The following LYPD6B variants were observed in gnomAD, a reference collection of about 807,000 sequenced individuals.
The protein encoded by LYPD6B is LY6/PLAUR domain containing 6B.
LYPD6B carries 17 observed loss-of-function variants against 22.8 expected under a neutral mutation model. The ratio of observed to expected loss-of-function variants is 0.75; its 90% confidence interval spans 0.51 to 1.12. The LOEUF (loss-of-function observed/expected upper bound fraction) is 1.12, where lower values mean the gene tolerates loss of function less well. LYPD6B is among the 50% of genes most tolerant of loss of function. The pLI, the probability that LYPD6B is intolerant of heterozygous loss-of-function variation, is 0.00. For missense variants in LYPD6B, 221 were observed against 258.3 expected (o/e 0.86, Z 0.99); for synonymous variants, 106 against 91.6 (o/e 1.16, Z -0.90).
At chr2:149,114,031 T>C (rs1186375511) in intron 1 of LYPD6B, among the ~76,000 whole-genome samples, 1 of 152,144 alleles carries the variant, frequency 6.6e-6, no homozygotes, top group Non-Finnish European at 1.5e-5. Flanking sequence ...CCTTCCTCTT[T>C]CCCTCTGAAA....
At chr2:149,116,636 A>G (rs1687019170) in intron 1 of LYPD6B, among the ~76,000 whole-genome samples, 1 of 152,194 alleles carries the variant, frequency 6.6e-6, no homozygotes, top group African/African-American at 2.4e-5. Context: ...GAAGGAAGGA[A>G]CTGTATTAGC....
chr2:149,074,515 C>T (rs1446281034), intron 1 of LYPD6B, among the ~76,000 whole-genome samples: 2 of 152,194 alleles, frequency 1.3e-5, no homozygotes, highest in Non-Finnish European at 2.9e-5. Flanking sequence ...ACGAACCTGA[C>T]TTCTAAGGGC....
At chr2:149,055,646 G>A (rs1382929467) in intron 1 of LYPD6B, among the ~76,000 whole-genome samples, 7 of 152,154 alleles carry the variant, frequency 4.6e-5, no homozygotes, top group African/African-American at 1.7e-4. Context: ...GCAGTGTAAT[G>A]ACATTGTCAG....
intron 2 of LYPD6B, among the ~76,000 whole-genome samples, chr2:149,145,591 G>T (rs1433140707): frequency 6.6e-6 from 1 of 152,164 alleles, no homozygotes; most frequent in African/African-American, 2.4e-5. Flanking sequence ...GCCACATGTT[G>T]AAACAGCCCA....
At chr2:149,093,152 C>T (rs963800316) in intron 1 of LYPD6B, among the ~76,000 whole-genome samples, 2 of 152,176 alleles carry the variant, frequency 1.3e-5, no homozygotes, top group Non-Finnish European at 2.9e-5. Context: ...CAGAGGAAGA[C>T]AGTTGCCAGG....
chr2:149,082,360 G>A (rs10497053), intron 1 of LYPD6B, among the ~76,000 whole-genome samples: 6,077 of 152,174 alleles, frequency 0.04, 386 homozygotes, highest in African/African-American at 0.13. Context: ...CAAAACCTAC[G>A]TCAGGAAGCA....
intron 2 of LYPD6B, among the ~76,000 whole-genome samples, chr2:149,157,339 A>C (rs1049480081): frequency 6.6e-6 from 1 of 152,190 alleles, no homozygotes; most frequent in Admixed American, 6.5e-5. Context: ...ACACAGGAGG[A>C]ACTCAAGACT....
chr2:149,140,836 T>C (rs1688649897), intron 2 of LYPD6B, among the ~76,000 whole-genome samples: 1 of 152,210 alleles, frequency 6.6e-6, no homozygotes, highest in African/African-American at 2.4e-5. Context: ...ATTTGTCCCA[T>C]CTTTGATCGT....
chr2:149,173,551 G>A (rs1691019005), intron 3 of LYPD6B, among the ~76,000 whole-genome samples: 1 of 152,002 alleles, frequency 6.6e-6, no homozygotes, highest in Non-Finnish European at 1.5e-5. Context: ...TTAGGGTTGA[G>A]ACTCATCTAT....
intron 3 of LYPD6B, among the ~76,000 whole-genome samples, chr2:149,201,713 T>G (rs1427961094): frequency 1.3e-5 from 2 of 152,232 alleles, no homozygotes; most frequent in African/African-American, 2.4e-5. Flanking sequence ...TTTCCTCACT[T>G]GACAGGCAAA....
At chr2:149,049,038 A>G (rs1029170792) in intron 1 of LYPD6B, among the ~76,000 whole-genome samples, 5 of 152,170 alleles carry the variant, frequency 3.3e-5, no homozygotes, top group African/African-American at 9.7e-5. Flanking sequence ...TGGTCTAAGT[A>G]TCACTTTCAA....
intron 3 of LYPD6B, among the ~76,000 whole-genome samples, chr2:149,173,037 T>G (rs1370332148): frequency 6.6e-6 from 1 of 151,958 alleles, no homozygotes; most frequent in East Asian, 1.9e-4. Context: ...TGTATATATA[T>G]TCACATATTT....
chr2:149,194,588 T>C (rs570642884), intron 3 of LYPD6B, among the ~76,000 whole-genome samples: 1 of 152,316 alleles, frequency 6.6e-6, no homozygotes, highest in East Asian at 1.9e-4. Flanking sequence ...AGATGGTAGC[T>C]GCAGAGTTGG....
At chr2:149,183,210 G>A (rs981257840) in intron 3 of LYPD6B, among the ~76,000 whole-genome samples, 1 of 152,162 alleles carries the variant, frequency 6.6e-6, no homozygotes, top group Non-Finnish European at 1.5e-5. Context: ...TTTGTTGGAA[G>A]GGTGAAATTT....
At chr2:149,191,225 A>G (rs1380275118) in intron 3 of LYPD6B, among the ~76,000 whole-genome samples, 1 of 152,200 alleles carries the variant, frequency 6.6e-6, no homozygotes, top group Non-Finnish European at 1.5e-5. Flanking sequence ...AATAATATGT[A>G]AGGATGGACT....
intron 1 of LYPD6B, among the ~76,000 whole-genome samples, chr2:149,104,354 T>G (rs796584746): frequency 6.6e-6 from 1 of 152,188 alleles, no homozygotes; most frequent in South Asian, 2.1e-4. Context: ...CCATAAGCAA[T>G]GTATGAGAGT....
At chr2:149,157,093 C>T (rs1007863870) in intron 2 of LYPD6B, among the ~76,000 whole-genome samples, 27 of 152,072 alleles carry the variant, frequency 1.8e-4, no homozygotes, top group Admixed American at 7.2e-4. Flanking sequence ...GTAATTACTT[C>T]GGACAGAGAG....
intron 3 of LYPD6B, among the ~76,000 whole-genome samples, chr2:149,202,646 G>A (rs888122974): frequency 6.6e-6 from 1 of 152,124 alleles, no homozygotes; most frequent in African/African-American, 2.4e-5. Flanking sequence ...AATGCAATTT[G>A]CATTAGAGTC....
intron 3 of LYPD6B, among the ~76,000 whole-genome samples, chr2:149,178,537 G>A (rs532541098): frequency 3.1e-4 from 47 of 152,280 alleles, no homozygotes; most frequent in African/African-American, 1.1e-3. Context: ...TGTTCACAGA[G>A]CAGAGCCTGT....
Sources: gnomAD v4.1 joint callset for allele counts (sites outside exome capture counted in the v4.1 genomes callset) on GRCh38, gnomAD v4.1.1 for gene constraint, MANE v1.5 for transcripts, NCBI Gene and HGNC (gene_info 2026-07-23, HGNC 2026-07-21) for gene names.